RNF115: variants seen among roughly 807,000 people sequenced by gnomAD.
RNF115 encodes the protein E3 ubiquitin-protein ligase RNF115.
Under a neutral mutation model 39.2 loss-of-function variants are expected in RNF115, and 31 were observed. The ratio of observed to expected loss-of-function variants is 0.79; its 90% CI spans 0.59 to 1.07. RNF115 has a LOEUF of 1.07. Among genes scored for constraint, RNF115 ranks in the 50% least tolerant of loss-of-function variants. RNF115 has a pLI of 0.00. For synonymous variants in RNF115, 124 were observed against 131.0 expected, an observed-to-expected ratio of 0.95 and a Z score of 0.37; for missense variants, 384 against 381.7, an observed-to-expected ratio of 1.01 and a Z score of -0.05.
intron 4 of RNF115, among the ~76,000 whole-genome samples, chr1:145,754,707 G>C (rs1398735748): frequency 1.3e-5 from 2 of 152,254 alleles, no homozygotes; most frequent in South Asian, 2.1e-4. Flanking sequence ...CTAAAATTTT[G>C]TATCCTTCAA....
At chr1:145,757,577 C>T (rs969847260) in intron 4 of RNF115, among the ~76,000 whole-genome samples, 1 of 152,216 alleles carries the variant, frequency 6.6e-6, no homozygotes, top group Non-Finnish European at 1.5e-5. Context: ...ATATGAACTA[C>T]TTTTAATGGA....
At chr1:145,759,699 G>A (rs2101487708) in intron 4 of RNF115, among the ~76,000 whole-genome samples, 1 of 152,244 alleles carries the variant, frequency 6.6e-6, no homozygotes, top group Non-Finnish European at 1.5e-5. Context: ...ATCATTTCAA[G>A]ATATAAATGA....
intron 4 of RNF115, among the ~76,000 whole-genome samples, chr1:145,770,662 G>A (rs1377147476): frequency 7.6e-6 from 1 of 131,264 alleles, no homozygotes; most frequent in African/African-American, 2.9e-5. Flanking sequence ...CTTTATTTCT[G>A]AGACTCAGTT....
In RNF115 at chr1:145,784,585, C is replaced by T. The variant is rs782435124; in HGVS notation, c.173G>A (p.Gly58Asp). 2 of 1,613,902 alleles carry T rather than the reference C, an allele frequency of 1.2e-6. No individual in the cohort carries two copies. Among genetic ancestry groups the T allele is most frequent in the Non-Finnish European group, 1.7e-6 (2 of 1,179,856 alleles). ...EVTDDSSFLG[G>D]GGSRIDNTTT... Reference sequence around the variant, plus strand: ...GGTATTGTCTATCCGACTGCCGCCACCACCTAAAAAACTAAAGAGAAAAGG... The same window carrying T: ...GGTATTGTCTATCCGACTGCCGCCATCACCTAAAAAACTAAAGAGAAAAGG... Residue 58 changes from glycine (G) to aspartate (D), a missense_variant, in exon 3 of 9, where the codon GGT becomes GAT. Coordinates refer to ENST00000582693, the MANE Select transcript of RNF115 (RefSeq NM_014455.4).
At chr1:145,757,372 T>C (rs1314002981) in intron 4 of RNF115, among the ~76,000 whole-genome samples, 1 of 152,188 alleles carries the variant, frequency 6.6e-6, no homozygotes, top group Non-Finnish European at 1.5e-5. Flanking sequence ...AAAGCCTATT[T>C]AGAAGAGATT....
chr1:145,764,791 G>C (rs184916609), intron 4 of RNF115, among the ~76,000 whole-genome samples: 1 of 151,100 alleles, frequency 6.6e-6, no homozygotes, highest in African/African-American at 2.4e-5. Context: ...CGCCCCATCC[G>C]GGAGGGAGAT....
intron 6 of RNF115, 68 bp downstream of exon 6, chr1:145,751,370 A>ATTTC: frequency 9.0e-7 from 1 of 1,106,286 alleles, no homozygotes; most frequent in South Asian, 1.4e-5. Context: ...AAGTAGCAGA[A>ATTTC]GGAAAGCAGG....
intron 1 of RNF115, among the ~76,000 whole-genome samples, chr1:145,814,372 A>C (rs28494976): frequency 0.013 from 1,956 of 148,298 alleles, no homozygotes; most frequent in African/African-American, 0.048. Flanking sequence ...GCTCAGTAGG[A>C]TGTGAAGAGA....
intron 1 of RNF115, among the ~76,000 whole-genome samples, chr1:145,818,206 T>C (rs1450818873): frequency 1.3e-5 from 2 of 152,070 alleles, no homozygotes; most frequent in Non-Finnish European, 2.9e-5. Flanking sequence ...CTAATTTACA[T>C]TCTCACCGGC....
chr1:145,747,880 A>C, intron 8 of RNF115, 115 bp downstream of exon 8: 2 of 747,052 alleles, frequency 2.7e-6, no homozygotes, highest in Non-Finnish European at 4.7e-6. Flanking sequence ...TAACAGTATC[A>C]GAGTAAGCCA....
intron 1 of RNF115, among the ~76,000 whole-genome samples, chr1:145,790,753 T>C (rs114561951): frequency 3.5e-4 from 53 of 152,206 alleles, no homozygotes; most frequent in African/African-American, 1.3e-3. Flanking sequence ...TTAGAATGAA[T>C]TCATCGTCCA....
chr1:145,752,468 G>A (rs1011337512), intron 5 of RNF115, among the ~76,000 whole-genome samples: 1 of 151,624 alleles, frequency 6.6e-6, no homozygotes, highest in Admixed American at 6.6e-5. Flanking sequence ...GGGGGACCAG[G>A]ACGGCCTTCC....
intron 3 of RNF115, 76 bp downstream of exon 3, chr1:145,784,463 T>C (rs1207851849): frequency 1.2e-5 from 15 of 1,288,452 alleles, no homozygotes; most frequent in African/African-American, 5.9e-5. Context: ...TGTGCCACAC[T>C]GGAAAGTTAG....
chr1:145,757,504 C>T (rs763613452), intron 4 of RNF115, among the ~76,000 whole-genome samples: 11 of 152,156 alleles, frequency 7.2e-5, no homozygotes, highest in Admixed American at 5.9e-4. Flanking sequence ...AAATGAAAAC[C>T]GGTCTCTGGG....
chr1:145,776,321 T>C (rs1352031608), intron 3 of RNF115, among the ~76,000 whole-genome samples: 4 of 151,524 alleles, frequency 2.6e-5, no homozygotes, highest in East Asian at 4.0e-4. Context: ...TCTGCCACCA[T>C]GCCCGACTAA....
chr1:145,759,997 G>A (rs1553713640), intron 4 of RNF115, among the ~76,000 whole-genome samples: 2 of 152,080 alleles, frequency 1.3e-5, no homozygotes, highest in East Asian at 1.9e-4. Flanking sequence ...ACTTACTACT[G>A]CTTAAAATTC....
intron 4 of RNF115, among the ~76,000 whole-genome samples, chr1:145,757,788 T>C (rs1399720285): frequency 6.9e-6 from 1 of 144,404 alleles, no homozygotes; most frequent in Non-Finnish European, 1.6e-5. Context: ...TGCCTGTCCA[T>C]ATCACTGTAT....
intron 3 of RNF115, among the ~76,000 whole-genome samples, chr1:145,783,154 T>A (rs759446377): frequency 2.6e-5 from 4 of 152,214 alleles, no homozygotes; most frequent in Non-Finnish European, 5.9e-5. Context: ...TGAGCCACTG[T>A]GCCTGGCCCA....
At chr1:145,751,150 T>C (rs1012787476) in intron 6 of RNF115, among the ~76,000 whole-genome samples, 2 of 152,208 alleles carry the variant, frequency 1.3e-5, no homozygotes, top group African/African-American at 2.4e-5. Flanking sequence ...AGAATCCTTA[T>C]AGAACTGAGC....
Sources: gnomAD v4.1 joint callset for allele counts (sites outside exome capture counted in the v4.1 genomes callset) on GRCh38, gnomAD v4.1.1 for gene constraint, MANE v1.5 for transcripts, NCBI Gene and HGNC (gene_info 2026-07-23, HGNC 2026-07-21) for gene names.